ENOX1: variants seen among roughly 807,000 people sequenced by gnomAD.
ENOX1 encodes ecto-NOX disulfide-thiol exchanger 1.
Under a neutral mutation model 82.5 loss-of-function variants are expected in ENOX1, and 42 were observed. That is an observed-to-expected ratio of 0.51 (90% CI 0.40 to 0.66). The LOEUF is 0.66. Among genes scored for constraint, ENOX1 ranks in the 30% least tolerant of loss-of-function variants. ENOX1 has a pLI of 0.00. For missense variants in ENOX1, 608 were observed against 811.6 expected (o/e 0.75, Z 3.05); for synonymous variants, 271 against 282.2 (o/e 0.96, Z 0.40).
At chr13:43,445,345 G>A (rs912752875) in intron 3 of ENOX1, among the ~76,000 whole-genome samples, 27 of 152,148 alleles carry the variant, frequency 1.8e-4, no homozygotes, top group Middle Eastern at 3.4e-3. Context: ...GGATGGTCTT[G>A]ATCTCCTGAC....
At chr13:43,424,435 C>A (rs2055164942) in intron 3 of ENOX1, among the ~76,000 whole-genome samples, 1 of 152,090 alleles carries the variant, frequency 6.6e-6, no homozygotes, top group African/African-American at 2.4e-5. Context: ...TGGTTAGAGC[C>A]CTTTAATTTA....
At chr13:43,413,021 C>G (rs2054228378) in intron 3 of ENOX1, 33 bp from the exon 4 acceptor site, 3 of 1,477,078 alleles carry the variant, frequency 2.0e-6, no homozygotes, top group East Asian at 5.0e-5. Context: ...GGTGAGAAAC[C>G]TTAATAGTTA....
At chr13:43,565,124 C>A (rs1046511044) in intron 2 of ENOX1, among the ~76,000 whole-genome samples, 9 of 152,096 alleles carry the variant, frequency 5.9e-5, no homozygotes, top group African/African-American at 1.9e-4. Context: ...CAAATCAAAG[C>A]AGGTGCTGTC....
Position 43,702,814 on chromosome 13 carries a change from G to A in ENOX1, c.-284-35270C>T, listed in dbSNP as rs7324830. ...AAAAATACAAAAAAATTAGCTGAGC[G>A]TGGTGGCAGGTGCCTGTAATCCCAG... On this transcript the variant is annotated intron_variant, in intron 1 of 16. Transcript: ENST00000690772. 1.3e-4 allele frequency among the ~76,000 whole-genome samples: 19 copies of A among 151,828 alleles called. 1 individual carries two copies. The highest frequency in any genetic ancestry group is 4.6e-4 in the African/African-American group (19 of 41,394).
chr13:43,630,726 T>A (rs1394225052), intron 2 of ENOX1, among the ~76,000 whole-genome samples: 1 of 151,702 alleles, frequency 6.6e-6, no homozygotes, highest in Admixed American at 6.6e-5. Flanking sequence ...ATACAAAAAA[T>A]ACATAAAAAT....
chr13:43,779,183 T>TA (rs57388902), intron 1 of ENOX1, among the ~76,000 whole-genome samples: 4,943 of 118,006 alleles, frequency 0.042, 136 homozygotes, highest in African/African-American at 0.086. Flanking sequence ...CCTCGTTATT[T>TA]AAAAAAAAAA....
At chr13:43,607,998 G>T (rs1186836477) in intron 2 of ENOX1, among the ~76,000 whole-genome samples, 2 of 152,152 alleles carry the variant, frequency 1.3e-5, no homozygotes, top group East Asian at 1.9e-4. Context: ...AAACATCCAG[G>T]AACAGGCATG....
intron 3 of ENOX1, among the ~76,000 whole-genome samples, chr13:43,452,819 G>A (rs1236463957): frequency 1.3e-5 from 2 of 152,120 alleles, no homozygotes; most frequent in African/African-American, 4.8e-5. Flanking sequence ...CACCAACCTG[G>A]CCTACCTTAT....
intron 5 of ENOX1, among the ~76,000 whole-genome samples, chr13:43,372,569 C>T (rs1030937285): frequency 1.3e-4 from 20 of 152,230 alleles, no homozygotes; most frequent in African/African-American, 4.3e-4. Context: ...CATCATAATC[C>T]CATGCCTCAG....
intron 14 of ENOX1, among the ~76,000 whole-genome samples, chr13:43,252,559 T>C (rs1217719167): frequency 6.6e-6 from 1 of 152,252 alleles, no homozygotes; most frequent in Non-Finnish European, 1.5e-5. Context: ...AACATGTGAA[T>C]GTCTTTTCCT....
At chr13:43,763,933 T>G (rs1263314296) in intron 1 of ENOX1, among the ~76,000 whole-genome samples, 2 of 152,192 alleles carry the variant, frequency 1.3e-5, no homozygotes, top group African/African-American at 4.8e-5. Context: ...ATAAGATTCA[T>G]AGAGAATTTG....
chr13:43,785,506 T>A (rs1952518399), intron 1 of ENOX1, among the ~76,000 whole-genome samples: 1 of 152,222 alleles, frequency 6.6e-6, no homozygotes, highest in Non-Finnish European at 1.5e-5. Context: ...CTTTTAAAAA[T>A]TGCTACCACC....
intron 2 of ENOX1, among the ~76,000 whole-genome samples, chr13:43,638,459 C>T (rs7318722): frequency 0.012 from 1,818 of 151,944 alleles, 41 homozygotes; most frequent in African/African-American, 0.042. Flanking sequence ...AGAAAGTTTC[C>T]TTAACTGCAC....
At chr13:43,518,660 A>G (rs1334757889) in intron 2 of ENOX1, among the ~76,000 whole-genome samples, 1 of 152,042 alleles carries the variant, frequency 6.6e-6, no homozygotes, top group Non-Finnish European at 1.5e-5. Context: ...CAAATCTTAA[A>G]CTCCATTTAA....
intron 3 of ENOX1, among the ~76,000 whole-genome samples, chr13:43,433,827 T>C (rs1169002009): frequency 6.6e-6 from 1 of 152,202 alleles, no homozygotes; most frequent in Non-Finnish European, 1.5e-5. Flanking sequence ...ATGGCAACCA[T>C]GAAAACTGAT....
chr13:43,313,155 G>A (rs1334198599), intron 11 of ENOX1, among the ~76,000 whole-genome samples: 4 of 152,094 alleles, frequency 2.6e-5, no homozygotes, highest in Admixed American at 6.5e-5. Flanking sequence ...TTCCACTTAC[G>A]ATCTTGGGTA....
chr13:43,777,398 CAT>C (rs1951979981), intron 1 of ENOX1, among the ~76,000 whole-genome samples: 3 of 152,154 alleles, frequency 2.0e-5, no homozygotes, highest in African/African-American at 4.8e-5. Context: ...CGTACACACA[CAT>C]AGTTGTACAA....
At chr13:43,717,636 C>T (rs1186162498) in intron 1 of ENOX1, among the ~76,000 whole-genome samples, 1 of 152,114 alleles carries the variant, frequency 6.6e-6, no homozygotes, top group South Asian at 2.1e-4. Flanking sequence ...TATTCACAAA[C>T]TGTGCATCTG....
At chr13:43,334,908 C>G (rs967866786) in intron 9 of ENOX1, among the ~76,000 whole-genome samples, 3 of 152,138 alleles carry the variant, frequency 2.0e-5, no homozygotes, top group Non-Finnish European at 4.4e-5. Flanking sequence ...TTTATGAATA[C>G]AACACTGTTT....
Sources: allele counts gnomAD v4.1 joint callset (sites outside exome capture counted in the v4.1 genomes callset), GRCh38; gene constraint gnomAD v4.1.1; transcripts MANE v1.5; gene names NCBI Gene and HGNC (gene_info 2026-07-23, HGNC 2026-07-21).